RASSF8: variants seen among roughly 807,000 people sequenced by gnomAD.
The protein encoded by RASSF8 is Ras association domain family member 8.
In RASSF8, 22 loss-of-function variants were observed where a neutral mutation model predicts 48.5. The ratio of observed to expected loss-of-function variants is 0.45; its 90% CI spans 0.32 to 0.65. RASSF8 has a LOEUF of 0.65. Ranked by LOEUF, RASSF8 falls within the 30% of genes least tolerant of loss-of-function variation. RASSF8 has a pLI of 0.03. For synonymous variants in RASSF8, 127 were observed against 171.5 expected, an observed-to-expected ratio of 0.74 and a Z score of 2.03; for missense variants, 418 against 489.2, an observed-to-expected ratio of 0.85 and a Z score of 1.37.
chr12:26,073,821 TACACACACACACAC>T (rs757140768), downstream of RASSF8, among the ~76,000 whole-genome samples: 1 of 65,236 alleles, frequency 1.5e-5, no homozygotes, highest in Non-Finnish European at 3.4e-5. Flanking sequence ...TATATACACA[TACACACACACACAC>T]ACACACACAC....
chr12:25,985,644 T>C (rs981169154), intron 1 of RASSF8, among the ~76,000 whole-genome samples: 2 of 152,236 alleles, frequency 1.3e-5, no homozygotes, highest in African/African-American at 4.8e-5. Context: ...CTCATAAAAA[T>C]ATTCCACTTC....
At chr12:25,962,476 C>T (rs1941259871) in intron 1 of RASSF8, among the ~76,000 whole-genome samples, 1 of 152,128 alleles carries the variant, frequency 6.6e-6, no homozygotes, top group Non-Finnish European at 1.5e-5. Flanking sequence ...TTTTCTTGCC[C>T]TTTAGGTTAA....
At chr12:26,055,571 C>A in intron 3 of RASSF8, 125 bp downstream of exon 3, 2 of 799,124 alleles carry the variant, frequency 2.5e-6, no homozygotes, top group Non-Finnish European at 4.2e-6. Flanking sequence ...CTCACAGGCA[C>A]TCTTGTACTT....
intron 2 of RASSF8, among the ~76,000 whole-genome samples, chr12:26,030,199 T>C (rs1942999035): frequency 6.6e-6 from 1 of 152,122 alleles, no homozygotes; most frequent in Non-Finnish European, 1.5e-5. Flanking sequence ...CACTTAGTGA[T>C]AAAATAATTC....
intron 2 of RASSF8, among the ~76,000 whole-genome samples, chr12:26,011,115 G>C (rs1441954430): frequency 6.6e-6 from 1 of 152,126 alleles, no homozygotes; most frequent in Non-Finnish European, 1.5e-5. Context: ...AGAAACCACA[G>C]GAACCCTTAC....
At chr12:26,078,542 T>C (rs1456132465) in intron 5 of RASSF8, among the ~76,000 whole-genome samples, 1 of 152,220 alleles carries the variant, frequency 6.6e-6, no homozygotes, top group Non-Finnish European at 1.5e-5. Context: ...CCCTTCCAAG[T>C]ACTCACTTGA....
At chr12:26,018,121 AT>A (rs35686222) in intron 2 of RASSF8, among the ~76,000 whole-genome samples, 53,000 of 152,042 alleles carry the variant, frequency 0.35, 10,386 homozygotes, top group Non-Finnish European at 0.44. Flanking sequence ...TATTCTTGAG[AT>A]GAATCTTTGA....
chr12:26,014,859 T>G (rs1689082471), intron 2 of RASSF8, among the ~76,000 whole-genome samples: 1 of 152,090 alleles, frequency 6.6e-6, no homozygotes, highest in Non-Finnish European at 1.5e-5. Context: ...TATTTGGTCC[T>G]TTTTCCTTTG....
chr12:26,070,821 C>T lies in RASSF8; in HGVS notation c.*2003C>T. 4.1e-6 allele frequency: 4 copies of T among 983,278 alleles called. No individual in the cohort carries two copies. The highest frequency in any genetic ancestry group is 4.8e-6 in the Non-Finnish European group (4 of 828,052). The allele number at this position is 983,278 out of a possible 1,614,324, so 60.9% of individuals were successfully genotyped here. The stretch of plus-strand genomic sequence containing the variant: ...ATGTTAAACTGGAGGCAGTATTAAA[C>T]TTTGCAATTAGGAGTTTCAGAGATG... On this transcript the variant is annotated 3_prime_UTR_variant, in exon 6 of 6. Transcript: ENST00000689635.
At chr12:25,970,251 G>T (rs1236933551) in intron 1 of RASSF8, among the ~76,000 whole-genome samples, 1 of 151,940 alleles carries the variant, frequency 6.6e-6, no homozygotes, top group African/African-American at 2.4e-5. Context: ...TGAATGTCCG[G>T]ATCTGTGCTC....
At chr12:26,008,875 G>A (rs1463245661) in intron 2 of RASSF8, among the ~76,000 whole-genome samples, 1 of 152,082 alleles carries the variant, frequency 6.6e-6, no homozygotes, top group East Asian at 1.9e-4. Flanking sequence ...TTCTAGGTCA[G>A]GTCACTCTTT....
intron 4 of RASSF8, among the ~76,000 whole-genome samples, chr12:26,066,604 T>C (rs1288245095): frequency 1.3e-5 from 2 of 152,216 alleles, no homozygotes; most frequent in Non-Finnish European, 2.9e-5. Flanking sequence ...GAAGTTGTGT[T>C]GCTTTTGATA....
chr12:26,040,295 A>G (rs1055882017), intron 2 of RASSF8, among the ~76,000 whole-genome samples: 2 of 152,222 alleles, frequency 1.3e-5, no homozygotes, highest in African/African-American at 4.8e-5. Flanking sequence ...TCCCAACTTC[A>G]TTCCCTTATC....
intron 2 of RASSF8, among the ~76,000 whole-genome samples, chr12:26,029,716 CT>C (rs1191397887): frequency 6.6e-6 from 1 of 152,050 alleles, no homozygotes; most frequent in Non-Finnish European, 1.5e-5. Flanking sequence ...CTTAAAACTT[CT>C]CTGTTGGTTT....
In RASSF8 at chr12:26,032,730, A is replaced by G. The variant is rs138421799; in HGVS notation, c.-108-22506A>G. Among the ~76,000 whole-genome samples, 247 of 152,306 alleles carry G rather than the reference A, an allele frequency of 1.6e-3. 1 individual carries two copies. The highest frequency in any genetic ancestry group is 5.6e-3 in the African/African-American group (232 of 41,570). On this transcript the variant is annotated intron_variant, in intron 2 of 5. Transcript: ENST00000689635. The stretch of plus-strand genomic sequence containing the variant: ...TAATGCCCAGTTTCCATACCCATCT[A>G]TAATCATTTAAAGCAGGAATCATAA...
intron 2 of RASSF8, among the ~76,000 whole-genome samples, chr12:26,037,087 G>T (rs1343070147): frequency 6.6e-6 from 1 of 151,964 alleles, no homozygotes; most frequent in Non-Finnish European, 1.5e-5. Flanking sequence ...TTCTTTTATT[G>T]TGTGAAAAAG....
chr12:25,985,010 T>C (rs1404400244), intron 1 of RASSF8, among the ~76,000 whole-genome samples: 2 of 152,194 alleles, frequency 1.3e-5, no homozygotes, highest in Non-Finnish European at 2.9e-5. Flanking sequence ...GGTGGTGATA[T>C]AAACCACCAC....
chr12:26,030,306 C>T (rs1409509824), intron 2 of RASSF8, among the ~76,000 whole-genome samples: 1 of 151,712 alleles, frequency 6.6e-6, no homozygotes. Flanking sequence ...TAAGTATTTT[C>T]TGTGACAGTG....
intron 2 of RASSF8, among the ~76,000 whole-genome samples, chr12:26,049,514 T>C (rs891479564): frequency 5.9e-5 from 9 of 152,240 alleles, no homozygotes; most frequent in Admixed American, 5.9e-4. Flanking sequence ...CTGCAGCATA[T>C]TGTACTCCCA....
Sources: gnomAD v4.1 joint callset for allele counts (sites outside exome capture counted in the v4.1 genomes callset) on GRCh38, gnomAD v4.1.1 for gene constraint, MANE v1.5 for transcripts, NCBI Gene and HGNC (gene_info 2026-07-23, HGNC 2026-07-21) for gene names.